The following ROBO2 variants were observed in gnomAD, a reference collection of about 807,000 sequenced individuals.
ROBO2 encodes the protein roundabout homolog 2.
Under a neutral mutation model 160.8 loss-of-function variants are expected in ROBO2, and 53 were observed. The ratio of observed to expected loss-of-function variants is 0.33; its 90% CI spans 0.26 to 0.41. The LOEUF (loss-of-function observed/expected upper bound fraction) is 0.41, where lower values mean the gene tolerates loss of function less well. Ranked by LOEUF, ROBO2 falls within the 10% of genes least tolerant of loss-of-function variation. The pLI is 1.00. For missense variants in ROBO2, 1,577 were observed against 1,722.4 expected, an observed-to-expected ratio of 0.92 and a Z score of 1.49; for synonymous variants, 664 against 611.7, an observed-to-expected ratio of 1.09 and a Z score of -1.26.
intron 2 of ROBO2, among the ~76,000 whole-genome samples, chr3:76,210,347 G>A (rs1363330267): frequency 6.6e-6 from 1 of 151,990 alleles, no homozygotes; most frequent in East Asian, 1.9e-4. Context: ...AAAATCAGTG[G>A]ACTCTCTAGC....
chr3:77,627,932 A>G lies in ROBO2; in HGVS notation c.3760+5500A>G, dbSNP rs1347138047. Reference sequence around the variant, plus strand: ...AAGGAAAGATTTAGCATAAAATGACATGTAAATGAATTGATGACTGATCAT... The same window carrying G: ...AAGGAAAGATTTAGCATAAAATGACGTGTAAATGAATTGATGACTGATCAT... On this transcript the variant is annotated intron_variant, in intron 23 of 25. Transcript: ENST00000461745. 3.3e-5 allele frequency among the ~76,000 whole-genome samples: 5 copies of G among 152,336 alleles called. No homozygotes were observed. In the East Asian group the frequency reaches 7.7e-4, roughly 24 times the overall value.
At chr3:76,339,233 A>G (rs2074070163) in intron 2 of ROBO2, among the ~76,000 whole-genome samples, 1 of 152,160 alleles carries the variant, frequency 6.6e-6, no homozygotes, top group African/African-American at 2.4e-5. Flanking sequence ...GTGAAGAGTA[A>G]ACACTGATGC....
At chr3:76,145,520 C>T (rs2071851627) in intron 2 of ROBO2, among the ~76,000 whole-genome samples, 1 of 151,764 alleles carries the variant, frequency 6.6e-6, no homozygotes, top group African/African-American at 2.4e-5. Context: ...ACCTTTTATA[C>T]AAAAATACGT....
At chr3:76,484,835 G>T (rs1026002834) in intron 2 of ROBO2, among the ~76,000 whole-genome samples, 1 of 151,980 alleles carries the variant, frequency 6.6e-6, no homozygotes, top group Non-Finnish European at 1.5e-5. Flanking sequence ...AATAAAAGGA[G>T]AATTTTCTAC....
chr3:76,530,920 C>G (rs1039682379), intron 2 of ROBO2, among the ~76,000 whole-genome samples: 1 of 152,112 alleles, frequency 6.6e-6, no homozygotes, highest in East Asian at 1.9e-4. Flanking sequence ...CCTCCTTTAT[C>G]GGAAAAGTCT....
At chr3:76,607,873 C>A (rs1254273723) in intron 2 of ROBO2, among the ~76,000 whole-genome samples, 1 of 152,132 alleles carries the variant, frequency 6.6e-6, no homozygotes, top group Non-Finnish European at 1.5e-5. Flanking sequence ...TCTCTTCTTC[C>A]CACCCACACT....
chr3:77,634,926 A>C, exon 24 of ROBO2: 2 of 1,614,176 alleles, frequency 1.2e-6, no homozygotes, highest in Non-Finnish European at 1.7e-6. Context: ...TTCTACTGAC[A>C]GTAACACCAG....
chr3:77,057,888 G>A (rs1193321081), intron 1 of ROBO2, among the ~76,000 whole-genome samples: 2 of 151,958 alleles, frequency 1.3e-5, no homozygotes, highest in East Asian at 1.9e-4. Flanking sequence ...TAAAAAATAT[G>A]TGGCTGACGG....
chr3:76,174,256 G>C (rs2073146475), intron 2 of ROBO2, among the ~76,000 whole-genome samples: 2 of 152,212 alleles, frequency 1.3e-5, no homozygotes, highest in Admixed American at 1.3e-4. Flanking sequence ...GTAGATTCTG[G>C]ATTTTAGACC....
intron 1 of ROBO2, among the ~76,000 whole-genome samples, chr3:75,915,088 T>G (rs999741675): frequency 2.0e-5 from 3 of 152,220 alleles, no homozygotes; most frequent in Admixed American, 6.6e-5. Flanking sequence ...CTTGTGGAAA[T>G]CATATTATCC....
intron 2 of ROBO2, among the ~76,000 whole-genome samples, chr3:76,402,835 T>G (rs1013681269): frequency 6.6e-5 from 10 of 151,672 alleles, no homozygotes; most frequent in African/African-American, 2.2e-4. Flanking sequence ...TAAGAACTCA[T>G]CTGATTAGAT....
intron 2 of ROBO2, among the ~76,000 whole-genome samples, chr3:76,991,947 T>C (rs184127462): frequency 1.3e-5 from 2 of 152,252 alleles, no homozygotes; most frequent in African/African-American, 4.8e-5. Flanking sequence ...CTGGTATACA[T>C]ATGGGACACT....
chr3:76,853,226 T>C (rs2069607092), intron 2 of ROBO2, among the ~76,000 whole-genome samples: 1 of 152,106 alleles, frequency 6.6e-6, no homozygotes, highest in Non-Finnish European at 1.5e-5. Flanking sequence ...TTTCCAGTAA[T>C]GATAAAAATG....
At chr3:77,600,648 G>T (rs2094412168) in intron 19 of ROBO2, among the ~76,000 whole-genome samples, 1 of 152,166 alleles carries the variant, frequency 6.6e-6, no homozygotes, top group African/African-American at 2.4e-5. Context: ...ATATTCATCA[G>T]TGAAGGACAT....
chr3:77,315,967 T>G lies in ROBO2; in HGVS notation c.389-161447T>G, dbSNP rs2063947005. Among the ~76,000 whole-genome samples, 12 of 152,150 alleles carry G rather than the reference T, an allele frequency of 7.9e-5. No homozygotes were observed. In the South Asian group the frequency reaches 2.5e-3, roughly 32 times the overall value. On this transcript the variant is annotated intron_variant, in intron 2 of 25. Transcript: ENST00000461745. ...CAGCATTTGAAGGGGAGGATATAAT[T>G]CCACACAAAATGGAAGACTTTAAAA...
chr3:76,065,867 G>T (rs1463044980), intron 2 of ROBO2, among the ~76,000 whole-genome samples: 1 of 151,594 alleles, frequency 6.6e-6, no homozygotes, highest in African/African-American at 2.4e-5. Context: ...ACTATTTAAA[G>T]AATAGTCCCT....
At chr3:76,228,301 C>G (rs1467234227) in intron 2 of ROBO2, among the ~76,000 whole-genome samples, 1 of 151,924 alleles carries the variant, frequency 6.6e-6, no homozygotes, top group African/African-American at 2.4e-5. Context: ...GTTATGAAAC[C>G]AAGAATGGTT....
At chr3:77,504,275 C>T (rs140023413) in intron 5 of ROBO2, among the ~76,000 whole-genome samples, 32 of 152,262 alleles carry the variant, frequency 2.1e-4, no homozygotes, top group African/African-American at 7.5e-4. Flanking sequence ...TCAGTATAGA[C>T]ATTTGAAACC....
At chr3:77,277,717 G>T (rs1015282858) in intron 2 of ROBO2, among the ~76,000 whole-genome samples, 2 of 152,114 alleles carry the variant, frequency 1.3e-5, no homozygotes, top group African/African-American at 4.8e-5. Flanking sequence ...GGACATTTGG[G>T]TTGATTCCAT....
Sources: gnomAD v4.1 joint callset for allele counts (sites outside exome capture counted in the v4.1 genomes callset) on GRCh38, gnomAD v4.1.1 for gene constraint, MANE v1.5 for transcripts, NCBI Gene and HGNC (gene_info 2026-07-23, HGNC 2026-07-21) for gene names.